The following PTPN9 variants were observed in gnomAD, a reference collection of about 807,000 sequenced individuals.
The protein encoded by PTPN9 is protein tyrosine phosphatase non-receptor type 9.
In PTPN9, 26 loss-of-function variants were observed where a neutral mutation model predicts 69.8. The observed-to-expected ratio is 0.37, with a 90% CI of 0.27 to 0.52. PTPN9 has a LOEUF of 0.52. Ranked by LOEUF, PTPN9 falls within the 20% of genes least tolerant of loss-of-function variation. The pLI, the probability that PTPN9 is intolerant of heterozygous loss-of-function variation, is 0.91. For synonymous variants in PTPN9, 274 were observed against 272.5 expected, an observed-to-expected ratio of 1.01 and a Z score of -0.05; for missense variants, 549 against 740.3, an observed-to-expected ratio of 0.74 and a Z score of 3.00.
At position 75,537,945 on chromosome 15, in the gene PTPN9, G is replaced by C. The variant is rs2074992181; in HGVS notation, c.64-10684C>G. 2.0e-5 allele frequency among the ~76,000 whole-genome samples: 3 copies of C among 150,998 alleles called. No individual in the cohort carries two copies. In the South Asian group the frequency reaches 6.3e-4, roughly 32 times the overall value. On this transcript the variant is annotated intron_variant, in intron 1 of 12. Coordinates refer to ENST00000618819, the MANE Select transcript of PTPN9 (RefSeq NM_002833.4). ...GTGGTGGTGCCTGCCTGTAATCCCA[G>C]CTACTCAGGAGGCTGAGGCAGGAGA...
chr15:75,564,079 C>CT (rs926014384), intron 1 of PTPN9, among the ~76,000 whole-genome samples: 161 of 142,972 alleles, frequency 1.1e-3, no homozygotes, highest in Middle Eastern at 3.7e-3. Context: ...TACATTATGT[C>CT]TTTTTTTTTT....
chr15:75,537,419 A>G (rs2074987412), intron 1 of PTPN9, among the ~76,000 whole-genome samples: 1 of 139,976 alleles, frequency 7.1e-6, no homozygotes. Context: ...AACAAAAACA[A>G]GAGGAATCGT....
chr15:75,563,661 T>C (rs944183399), intron 1 of PTPN9, among the ~76,000 whole-genome samples: 5 of 152,202 alleles, frequency 3.3e-5, no homozygotes, highest in African/African-American at 1.2e-4. Flanking sequence ...GTTGATTCTA[T>C]GTGTCAGCAA....
intron 1 of PTPN9, among the ~76,000 whole-genome samples, chr15:75,570,018 A>T (rs1048005119): frequency 2.6e-5 from 4 of 151,982 alleles, no homozygotes; most frequent in Non-Finnish European, 5.9e-5. Context: ...ACGGGATTTC[A>T]TCATGTTGGC....
intron 1 of PTPN9, among the ~76,000 whole-genome samples, chr15:75,548,048 T>C (rs1328638489): frequency 5.3e-5 from 8 of 152,112 alleles, no homozygotes; most frequent in Admixed American, 5.3e-4. Flanking sequence ...CCCTTAAAGA[T>C]TGATACTATT....
At chr15:75,480,323 T>G (rs189498639) in intron 8 of PTPN9, among the ~76,000 whole-genome samples, 2 of 152,262 alleles carry the variant, frequency 1.3e-5, no homozygotes, top group African/African-American at 4.8e-5. Flanking sequence ...TAAAAACTTA[T>G]GCCAGGCGCG....
At chr15:75,573,084 T>C (rs557420849) in intron 1 of PTPN9, among the ~76,000 whole-genome samples, 1 of 152,328 alleles carries the variant, frequency 6.6e-6, no homozygotes, top group South Asian at 2.1e-4. Flanking sequence ...GCTAATGGCT[T>C]CATGGGAAGT....
intron 4 of PTPN9, among the ~76,000 whole-genome samples, chr15:75,522,321 G>T (rs2074908810): frequency 6.6e-6 from 1 of 152,068 alleles, no homozygotes; most frequent in Non-Finnish European, 1.5e-5. Flanking sequence ...GATGGTTTTT[G>T]CTTAACTTTA....
At chr15:75,578,614 C>T in intron 1 of PTPN9, 100 bp downstream of exon 1, 4 of 989,292 alleles carry the variant, frequency 4.0e-6, no homozygotes, top group Non-Finnish European at 5.2e-6. Context: ...CGGGGGGCTG[C>T]GGCCCCGTGG....
At chr15:75,475,968 G>A (rs2074593641) in intron 9 of PTPN9, among the ~76,000 whole-genome samples, 1 of 152,086 alleles carries the variant, frequency 6.6e-6, no homozygotes, top group African/African-American at 2.4e-5. Context: ...GCAAAACCCT[G>A]TCCCTACAAA....
chr15:75,513,112 G>A (rs2074851954), intron 5 of PTPN9: 1 of 379,972 alleles, frequency 2.6e-6, no homozygotes, highest in Non-Finnish European at 5.1e-6. Context: ...CCTGGTGACT[G>A]CAGCAGGTAC....
chr15:75,544,643 C>A (rs1455785007), intron 1 of PTPN9, among the ~76,000 whole-genome samples: 2 of 152,150 alleles, frequency 1.3e-5, no homozygotes, highest in Non-Finnish European at 2.9e-5. Flanking sequence ...ACAGAGGTAG[C>A]TGGTCACACT....
At chr15:75,517,441 C>A (rs112858340) in intron 4 of PTPN9, 77 bp from the exon 5 acceptor site, 29 of 1,148,270 alleles carry the variant, frequency 2.5e-5, no homozygotes, top group Non-Finnish European at 3.3e-5. Flanking sequence ...AATGCCAAAA[C>A]AAAACCTGAG....
chr15:75,552,127 G>A (rs1470077352), intron 1 of PTPN9, among the ~76,000 whole-genome samples: 2 of 151,996 alleles, frequency 1.3e-5, no homozygotes, highest in Non-Finnish European at 2.9e-5. Flanking sequence ...TGCCGGGCAC[G>A]GCGGCTCACG....
chr15:75,555,500 A>T (rs2075073097), intron 1 of PTPN9, among the ~76,000 whole-genome samples: 1 of 151,082 alleles, frequency 6.6e-6, no homozygotes, highest in Admixed American at 6.6e-5. Context: ...TTTTCATTTT[A>T]TTATTATTAT....
chr15:75,517,585 G>A (rs912357582), intron 4 of PTPN9, among the ~76,000 whole-genome samples: 1 of 152,176 alleles, frequency 6.6e-6, no homozygotes, highest in African/African-American at 2.4e-5. Context: ...AAACTCGTAG[G>A]TTGAGAATGC....
chr15:75,484,310 C>T (rs1228463521), intron 8 of PTPN9, among the ~76,000 whole-genome samples: 1 of 152,164 alleles, frequency 6.6e-6, no homozygotes, highest in East Asian at 1.9e-4. Flanking sequence ...CAAGTAGGAA[C>T]ACCTGGTCCA....
At chr15:75,506,841 T>C (rs1200292506) in intron 6 of PTPN9, among the ~76,000 whole-genome samples, 1 of 152,044 alleles carries the variant, frequency 6.6e-6, no homozygotes, top group Non-Finnish European at 1.5e-5. Flanking sequence ...AATGCCTTCC[T>C]TTCCTCCTCT....
At chr15:75,489,377 A>G (rs1282082043) in intron 8 of PTPN9, among the ~76,000 whole-genome samples, 1 of 152,058 alleles carries the variant, frequency 6.6e-6, no homozygotes, top group East Asian at 1.9e-4. Flanking sequence ...TTGTTTGAGC[A>G]CAAGAGTTCA....
Sources: gnomAD v4.1 joint callset for allele counts (sites outside exome capture counted in the v4.1 genomes callset) on GRCh38, gnomAD v4.1.1 for gene constraint, MANE v1.5 for transcripts, NCBI Gene and HGNC (gene_info 2026-07-23, HGNC 2026-07-21) for gene names.